The following SHISAL2B variants were observed in gnomAD, a reference collection of about 807,000 sequenced individuals.
SHISAL2B encodes the protein protein shisa-like-2B.
In SHISAL2B, 12 loss-of-function variants were observed where a neutral mutation model predicts 16.5. The ratio of observed to expected loss-of-function variants is 0.73; its 90% CI spans 0.47 to 1.18. The LOEUF (loss-of-function observed/expected upper bound fraction) is 1.18. Ranked by LOEUF, SHISAL2B falls within the 50% of genes most tolerant of loss-of-function variation. The pLI is 0.00. For synonymous variants in SHISAL2B, 72 were observed against 75.0 expected, an observed-to-expected ratio of 0.96 and a Z score of 0.21; for missense variants, 183 against 193.6, an observed-to-expected ratio of 0.95 and a Z score of 0.33.
Position 64,690,784 on chromosome 5 carries a change from C to T in SHISAL2B, c.161C>T (p.Pro54Leu). Residue 54 changes from proline (P) to leucine (L), a missense_variant, in exon 1 of 3, where the codon CCC becomes CTC. By Grantham distance (98) the Pro-to-Leu change is moderately conservative. Coordinates refer to ENST00000389074, the MANE Select transcript of SHISAL2B (RefSeq NM_001164442.2). Reference protein sequence around the residue: ...YCCSEPGSYFPYKHSYMWSLS... With the variant: ...YCCSEPGSYFLYKHSYMWSLS... ...TGCAGCGAGCCGGGCAGCTACTTCC[C>T]CTACAAGCACAGCTACATGTGGAGC... 6.5e-7 allele frequency: 1 copy of T among 1,544,638 alleles called. No homozygotes were observed. The highest frequency in any genetic ancestry group is 8.7e-7 in the Non-Finnish European group (1 of 1,152,018).
At chr5:64,703,096 C>T (rs1561375669) in intron 2 of SHISAL2B, among the ~76,000 whole-genome samples, 1 of 152,204 alleles carries the variant, frequency 6.6e-6, no homozygotes, top group South Asian at 2.1e-4. Context: ...TTTCAAATCA[C>T]TCTGTCCAAT....
At chr5:64,693,605 C>T (rs1741686158) in intron 1 of SHISAL2B, among the ~76,000 whole-genome samples, 3 of 152,134 alleles carry the variant, frequency 2.0e-5, no homozygotes, top group Admixed American at 2.0e-4. Context: ...CTGCTCTGTG[C>T]ACCAGATAAT....
At chr5:64,705,249 T>C (rs1741859765) in intron 2 of SHISAL2B, among the ~76,000 whole-genome samples, 1 of 152,180 alleles carries the variant, frequency 6.6e-6, no homozygotes, top group African/African-American at 2.4e-5. Context: ...ATTCCTTCAG[T>C]TGTTGCCAGA....
chr5:64,700,240 C>A (rs1741789762), intron 2 of SHISAL2B, among the ~76,000 whole-genome samples: 1 of 152,090 alleles, frequency 6.6e-6, no homozygotes, highest in East Asian at 1.9e-4. Context: ...TAGAGCCCTG[C>A]TTCTCAAACT....
intron 2 of SHISAL2B, among the ~76,000 whole-genome samples, chr5:64,710,272 A>T (rs1216415934): frequency 2.1e-5 from 2 of 97,498 alleles, no homozygotes; most frequent in Non-Finnish European, 1.9e-5. Context: ...CAGTTTTCCC[A>T]GCACCATTTA....
Position 64,690,649 on chromosome 5 carries a change from C to T in SHISAL2B, c.26C>T (p.Ser9Phe). The T allele has an allele frequency of 6.6e-7, 1 of 1,517,796 alleles. No individual in the cohort carries two copies. Among genetic ancestry groups the T allele is most frequent in the Non-Finnish European group, 8.8e-7 (1 of 1,135,486 alleles). The allele number at this position is 1,517,796 out of a possible 1,614,324, so 94.0% of individuals were successfully genotyped here. A position where few individuals can be genotyped will look rare whatever the true frequency, so the allele number is the denominator to read the frequency against. Reference protein sequence around the residue: MSEASRLCSGYYSLNQSFV... With the variant: MSEASRLCFGYYSLNQSFV... ...ATGAGCGAGGCCAGCCGACTGTGCT[C>T]CGGCTACTACAGCCTCAACCAGAGC... Residue 9 changes from serine (S) to phenylalanine (F), a missense_variant, in exon 1 of 3, where the codon TCC becomes TTC. Transcript: ENST00000389074.
At chr5:64,714,697 G>A (rs955933507) in intron 2 of SHISAL2B, among the ~76,000 whole-genome samples, 5 of 152,178 alleles carry the variant, frequency 3.3e-5, no homozygotes, top group South Asian at 2.1e-4. Flanking sequence ...GCGAGATTCC[G>A]TGGGCGTAGG....
intron 2 of SHISAL2B, among the ~76,000 whole-genome samples, chr5:64,701,335 A>G (rs2112062192): frequency 6.6e-6 from 1 of 152,304 alleles, no homozygotes; most frequent in African/African-American, 2.4e-5. Context: ...TTTAAGCCTA[A>G]TGAGCTTTAA....
chr5:64,711,684 G>A (rs1741960088), intron 2 of SHISAL2B, among the ~76,000 whole-genome samples: 1 of 30,058 alleles, frequency 3.3e-5, no homozygotes, highest in Non-Finnish European at 6.7e-5. Context: ...CTTTTTGGTT[G>A]GTAAACTATT....
chr5:64,714,638 C>T (rs934055422), intron 2 of SHISAL2B, among the ~76,000 whole-genome samples: 38 of 152,144 alleles, frequency 2.5e-4, no homozygotes, highest in Non-Finnish European at 5.4e-4. Flanking sequence ...CCTCCCCCAG[C>T]CTGGCTGCCG....
intron 2 of SHISAL2B, among the ~76,000 whole-genome samples, chr5:64,712,294 G>C (rs1741970525): frequency 6.6e-6 from 1 of 152,002 alleles, no homozygotes; most frequent in Non-Finnish European, 1.5e-5. Flanking sequence ...ATTTCGTTAT[G>C]TACCCAGTAG....
At chr5:64,695,050 A>G (rs1293994655) in intron 1 of SHISAL2B, among the ~76,000 whole-genome samples, 1 of 152,132 alleles carries the variant, frequency 6.6e-6, no homozygotes, top group Admixed American at 6.6e-5. Context: ...GGATCGCCTG[A>G]GCTCAGGAGT....
chr5:64,700,222 G>A (rs1741789422), intron 2 of SHISAL2B, among the ~76,000 whole-genome samples: 2 of 152,202 alleles, frequency 1.3e-5, no homozygotes, highest in Admixed American at 6.5e-5. Context: ...GCAATTAAAG[G>A]GGTGTCTTAG....
chr5:64,693,224 G>T (rs1477859040), intron 1 of SHISAL2B, among the ~76,000 whole-genome samples: 3 of 151,958 alleles, frequency 2.0e-5, no homozygotes, highest in Non-Finnish European at 1.5e-5. Context: ...AGCCAGGATG[G>T]TCTCAATCTC....
Position 64,717,964 on chromosome 5 carries a change from C to A in SHISAL2B, c.425C>A (p.Ala142Asp). Residue 142 changes from alanine to aspartate, a missense_variant, in exon 3 of 3, where the codon GCT (alanine) becomes GAT (aspartate). Ala to Asp is a moderately radical substitution (Grantham distance 126). Coordinates refer to ENST00000389074, the MANE Select transcript of SHISAL2B (RefSeq NM_001164442.2). ...GCAACAAATGAAACATACTATGAAG[C>A]TGATGATATAATTCAAGAAAAAACA... ...SNATNETYYE[A>D]DDIIQEKTMD... 1 of 1,522,160 alleles carries A rather than the reference C, an allele frequency of 6.6e-7. No individual in the cohort carries two copies. Among genetic ancestry groups the A allele is most frequent in the Non-Finnish European group, 8.7e-7 (1 of 1,143,560 alleles). 94.3% of individuals were successfully genotyped at this position (1,522,160 alleles called of 1,614,324 possible).
At chr5:64,696,696 A>G (rs1246061947) in intron 2 of SHISAL2B, among the ~76,000 whole-genome samples, 1 of 152,114 alleles carries the variant, frequency 6.6e-6, no homozygotes, top group South Asian at 2.1e-4. Context: ...AGGGTGAGGA[A>G]AAAACCCCAC....
chr5:64,717,352 C>T (rs1486493513), intron 2 of SHISAL2B, among the ~76,000 whole-genome samples: 3 of 152,170 alleles, frequency 2.0e-5, no homozygotes, highest in Non-Finnish European at 4.4e-5. Context: ...TAATCCATTT[C>T]TTTGCTATGT....
chr5:64,693,684 T>G (rs993520991), intron 1 of SHISAL2B, among the ~76,000 whole-genome samples: 2 of 152,146 alleles, frequency 1.3e-5, no homozygotes, highest in Non-Finnish European at 2.9e-5. Context: ...CCCTGACACT[T>G]AAAATGCACA....
intron 2 of SHISAL2B, among the ~76,000 whole-genome samples, chr5:64,715,685 TGTAA>T (rs1419508914): frequency 1.3e-5 from 2 of 152,266 alleles, no homozygotes; most frequent in African/African-American, 4.8e-5. Context: ...TAGTGTTATG[TGTAA>T]GTGCTATGTA....
Sources: gnomAD v4.1 joint callset for allele counts (sites outside exome capture counted in the v4.1 genomes callset) on GRCh38, gnomAD v4.1.1 for gene constraint, MANE v1.5 for transcripts, NCBI Gene and HGNC (gene_info 2026-07-23, HGNC 2026-07-21) for gene names.